The following ZBTB40 variants were observed in gnomAD, a reference collection of about 807,000 sequenced individuals.
ZBTB40 encodes the protein zinc finger and BTB domain containing 40.
In ZBTB40, 60 loss-of-function variants were observed where a neutral mutation model predicts 117.5. The observed-to-expected ratio is 0.51, with a 90% confidence interval of 0.41 to 0.63. ZBTB40 has a LOEUF of 0.63. Among genes scored for constraint, ZBTB40 ranks in the 30% least tolerant of loss-of-function variants. The probability of loss-of-function intolerance (pLI) is 0.00; values close to 1 mark genes in which losing one functional copy is unlikely to be tolerated. For missense variants in ZBTB40, 1,287 were observed against 1,498.5 expected (o/e 0.86, Z 2.33); for synonymous variants, 525 against 577.1 (o/e 0.91, Z 1.29).
chr1:22,523,231 G>A (rs565071818), intron 16 of ZBTB40, among the ~76,000 whole-genome samples: 40 of 152,104 alleles, frequency 2.6e-4, no homozygotes, highest in African/African-American at 9.4e-4. Flanking sequence ...GATTACAGGC[G>A]TGAGCCACTG....
At chr1:22,520,015 C>T in intron 13 of ZBTB40, 46 bp from the exon 14 acceptor site, 4 of 1,581,690 alleles carry the variant, frequency 2.5e-6, no homozygotes, top group Non-Finnish European at 3.5e-6. Flanking sequence ...ATGGTGTTTT[C>T]TTTTCCTCTC....
intron 1 of ZBTB40, among the ~76,000 whole-genome samples, chr1:22,436,191 A>G (rs1557470990): frequency 1.5e-5 from 2 of 129,210 alleles, no homozygotes; most frequent in African/African-American, 5.0e-5. Context: ...AAATGAAAAC[A>G]TATGTTCACA....
chr1:22,528,610 C>G lies in ZBTB40; in HGVS notation c.*2214C>G, dbSNP rs1178139996. ...ACAGTGGCACGATCTTGGCTCACTG[C>G]AACCTCTGCGGGCTCACGCAATCCT... On this transcript the variant is annotated 3_prime_UTR_variant, in exon 18 of 18. Transcript: ENST00000375647. 6.6e-6 allele frequency: 1 copy of G among 152,228 alleles called. No homozygotes were observed. The highest frequency in any genetic ancestry group is 1.5e-5 in the Non-Finnish European group (1 of 68,060). 9.4% of individuals were successfully genotyped at this position (152,228 alleles called of 1,614,324 possible). A position where few individuals can be genotyped will look rare whatever the true frequency, so the allele number is the denominator to read the frequency against.
rs1208970500 is a variant in ZBTB40, at chr1:22,522,468, G to A, written c.3298+5G>A. The A allele has an allele frequency of 6.2e-7, 1 of 1,613,964 alleles. No homozygotes were observed. The highest frequency in any genetic ancestry group is 8.5e-7 in the Non-Finnish European group (1 of 1,179,978). ...ATGTCAAGTGCCAGCATTCAGGTCA[G>A]TACCCCTGTCAGCATACTTCTAGGC... On this transcript the variant is annotated splice_donor_5th_base_variant and intron_variant, in intron 16 of 17. Transcript: ENST00000375647.
At chr1:22,440,601 C>T (rs1299550864) in intron 1 of ZBTB40, among the ~76,000 whole-genome samples, 1 of 152,086 alleles carries the variant, frequency 6.6e-6, no homozygotes, top group Non-Finnish European at 1.5e-5. Context: ...ATGAGGTTTG[C>T]TGTGCATTTT....
At chr1:22,464,239 A>G (rs376785623) in intron 1 of ZBTB40, among the ~76,000 whole-genome samples, 1 of 152,234 alleles carries the variant, frequency 6.6e-6, no homozygotes, top group African/African-American at 2.4e-5. Flanking sequence ...TTGTAATTGA[A>G]CATTCAAGAT....
At chr1:22,431,098 G>A (rs1337477564) in intron 1 of ZBTB40, among the ~76,000 whole-genome samples, 2 of 151,590 alleles carry the variant, frequency 1.3e-5, no homozygotes, top group Non-Finnish European at 2.9e-5. Flanking sequence ...CAGTTTCTGA[G>A]AGGGTTATGT....
At chr1:22,488,380 C>T (rs530959902) in intron 1 of ZBTB40, among the ~76,000 whole-genome samples, 10 of 152,176 alleles carry the variant, frequency 6.6e-5, no homozygotes, top group Middle Eastern at 3.4e-3. Flanking sequence ...GACGAAGGAG[C>T]GGGATGTTCT....
intron 5 of ZBTB40, among the ~76,000 whole-genome samples, chr1:22,502,910 A>G (rs1187344648): frequency 6.6e-6 from 1 of 152,198 alleles, no homozygotes. Context: ...AAGCAATCAA[A>G]AAGAAAAAAT....
chr1:22,431,378 G>GTATATATA (rs1395264458), intron 1 of ZBTB40, among the ~76,000 whole-genome samples: 6 of 17,324 alleles, frequency 3.5e-4, no homozygotes, highest in African/African-American at 6.5e-4. Flanking sequence ...GTGTGTGTGT[G>GTATATATA]TGTGTGTATA....
At chr1:22,447,835 G>A (rs1234423617), upstream of ZBTB40, among the ~76,000 whole-genome samples, 3 of 152,186 alleles carry the variant, frequency 2.0e-5, no homozygotes, top group Admixed American at 2.0e-4. Context: ...TATCCACTGG[G>A]CAAGAGCTGA....
At chr1:22,457,276 C>T (rs1641025941) in intron 1 of ZBTB40, among the ~76,000 whole-genome samples, 1 of 152,142 alleles carries the variant, frequency 6.6e-6, no homozygotes, top group South Asian at 2.1e-4. Flanking sequence ...TGAGGCAAAA[C>T]CTATCTCAGA....
At chr1:22,463,298 C>G (rs1641173406) in intron 1 of ZBTB40, among the ~76,000 whole-genome samples, 1 of 151,964 alleles carries the variant, frequency 6.6e-6, no homozygotes, top group African/African-American at 2.4e-5. Context: ...TTGCCAGGGC[C>G]CCTTAATTTT....
intron 3 of ZBTB40, among the ~76,000 whole-genome samples, chr1:22,493,735 T>TA (rs992788842): frequency 9.9e-5 from 15 of 152,248 alleles, no homozygotes; most frequent in African/African-American, 3.4e-4. Flanking sequence ...AATGGAGTCA[T>TA]ATGGTGTGTA....
chr1:22,458,554 T>A (rs755164434), intron 1 of ZBTB40, among the ~76,000 whole-genome samples: 4 of 152,234 alleles, frequency 2.6e-5, no homozygotes, highest in Non-Finnish European at 5.9e-5. Flanking sequence ...TTTATATTAC[T>A]GAATGCTGTT....
At chr1:22,478,982 G>C (rs1641615750) in intron 1 of ZBTB40, among the ~76,000 whole-genome samples, 1 of 151,840 alleles carries the variant, frequency 6.6e-6, no homozygotes, top group African/African-American at 2.4e-5. Flanking sequence ...ACCACTGTCT[G>C]GTTTTTATCA....
At position 22,509,189 on chromosome 1, in the gene ZBTB40, C is replaced by T; in HGVS notation, c.1789C>T (p.Leu597Phe). ...CATCCAACAGAAGATTGAGTACAAG[C>T]TCTTTACCTCGGAGGAGGAGCACCT... The part of the protein sequence containing the change: ...EAIQQKIEYK[L>F]FTSEEEHLAE... The change falls in exon 9 of 18, where the codon CTC becomes TTC. Residue 597 changes from leucine (L) to phenylalanine (F), a missense_variant. By Grantham distance (22) the Leu-to-Phe change is conservative. Coordinates refer to ENST00000375647, the MANE Select transcript of ZBTB40 (RefSeq NM_014870.4). 1 of 1,614,126 alleles carries T rather than the reference C, an allele frequency of 6.2e-7. No individual in the cohort carries two copies.
chr1:22,445,925 A>G (rs554679893), intron 1 of ZBTB40, among the ~76,000 whole-genome samples: 1 of 152,256 alleles, frequency 6.6e-6, no homozygotes, highest in Non-Finnish European at 1.5e-5. Flanking sequence ...AGACAAAGCA[A>G]GCATCAGAAC....
At chr1:22,433,432 CA>C (rs767913519) in intron 1 of ZBTB40, among the ~76,000 whole-genome samples, 432 of 8,762 alleles carry the variant, frequency 0.049, 12 homozygotes, top group African/African-American at 0.094. Flanking sequence ...GACGCCCTCT[CA>C]AAAAAAAAAA....
Sources: gnomAD v4.1 joint callset for allele counts (sites outside exome capture counted in the v4.1 genomes callset) on GRCh38, gnomAD v4.1.1 for gene constraint, MANE v1.5 for transcripts, NCBI Gene and HGNC (gene_info 2026-07-23, HGNC 2026-07-21) for gene names.